B3GALT1: variants seen among roughly 807,000 people sequenced by gnomAD.
B3GALT1 encodes UDP-Gal:betaGlcNAc beta 1,3-galactosyltransferase, polypeptide 1.
B3GALT1 carries 10 observed loss-of-function variants against 23.2 expected under a neutral mutation model. The ratio of observed to expected loss-of-function variants is 0.43; its 90% CI spans 0.27 to 0.73. The LOEUF is 0.73. Among genes scored for constraint, B3GALT1 ranks in the 30% least tolerant of loss-of-function variants. The probability of loss-of-function intolerance (pLI) is 0.21; values close to 1 mark genes in which losing one functional copy is unlikely to be tolerated. For missense variants in B3GALT1, 299 were observed against 405.4 expected, an observed-to-expected ratio of 0.74 and a Z score of 2.25; for synonymous variants, 156 against 141.5, an observed-to-expected ratio of 1.10 and a Z score of -0.73.
At position 167,452,107 on chromosome 2, in the gene B3GALT1, CA is replaced by C. The variant is rs1418493398; in HGVS notation, c.-510-38069del. On this transcript the variant is annotated intron_variant, in intron 1 of 4. Transcript: ENST00000392690. ...AACTTGCCCCGGGCTACCGGTTTCC[CA>C]GCTGAGAAAGCAAGCTGGGCTTTCA... Among the ~76,000 whole-genome samples the C allele has an allele frequency of 2.0e-5, 3 of 152,256 alleles. No individual in the cohort carries two copies. The East Asian group carries it at 5.8e-4, about 29-fold the overall frequency.
intron 1 of B3GALT1, among the ~76,000 whole-genome samples, chr2:167,392,961 G>A (rs981155417): frequency 1.1e-4 from 16 of 152,114 alleles, no homozygotes; most frequent in African/African-American, 3.9e-4. Context: ...TTAGCCGGGC[G>A]CAGTGGCTCA....
At chr2:167,860,002 G>A (rs1400920606) in intron 4 of B3GALT1, among the ~76,000 whole-genome samples, 1 of 152,146 alleles carries the variant, frequency 6.6e-6, no homozygotes, top group Non-Finnish European at 1.5e-5. Flanking sequence ...CCATTATCTA[G>A]TGCTAATAGT....
chr2:167,868,889 C>A lies in B3GALT1; in HGVS notation c.-151C>A. 1.2e-6 allele frequency: 1 copy of A among 852,510 alleles called. No individual in the cohort carries two copies. Among genetic ancestry groups the A allele is most frequent in the Non-Finnish European group, 1.8e-6 (1 of 558,268 alleles). The allele number at this position is 852,510 out of a possible 1,614,324, so 52.8% of individuals were successfully genotyped here. ...GTAGAATGAGCGCAGAGGTGACAGA[C>A]AGCCACTGAGGCCCATGGACAATCT... On this transcript the variant is annotated 5_prime_UTR_variant, in exon 5 of 5. Coordinates refer to ENST00000392690, the MANE Select transcript of B3GALT1 (RefSeq NM_020981.4).
In B3GALT1 at chr2:167,491,133, A is replaced by G. The variant is rs111636776; in HGVS notation, c.-410+856A>G. ...GTGTGTACTTTTAGGCCTCACTTCA[A>G]TATTTGGACTAGGCCGGGTAACTCC... On this transcript the variant is annotated intron_variant, in intron 2 of 4. Transcript: ENST00000392690. 6.6e-5 allele frequency among the ~76,000 whole-genome samples: 10 copies of G among 152,206 alleles called. 1 individual carries two copies. The highest frequency in any genetic ancestry group is 2.2e-4 in the African/African-American group (9 of 41,534).
At chr2:167,745,274 C>T (rs911446663) in intron 3 of B3GALT1, among the ~76,000 whole-genome samples, 2 of 152,028 alleles carry the variant, frequency 1.3e-5, no homozygotes, top group East Asian at 3.9e-4. Flanking sequence ...TTGTTGCTCA[C>T]CCCCTCTCCT....
intron 4 of B3GALT1, among the ~76,000 whole-genome samples, chr2:167,849,905 AAAG>A (rs1490434812): frequency 6.6e-6 from 1 of 151,968 alleles, no homozygotes; most frequent in South Asian, 2.1e-4. Flanking sequence ...AAAAAAAAAA[AAAG>A]GACTTAAACC....
intron 2 of B3GALT1, among the ~76,000 whole-genome samples, chr2:167,633,498 A>C (rs953622666): frequency 6.6e-6 from 1 of 151,924 alleles, no homozygotes; most frequent in African/African-American, 2.4e-5. Flanking sequence ...AAGAAAAAAA[A>C]AATAGCAACA....
chr2:167,722,775 C>T (rs1410446829), intron 3 of B3GALT1, among the ~76,000 whole-genome samples: 1 of 152,122 alleles, frequency 6.6e-6, no homozygotes, highest in African/African-American at 2.4e-5. Flanking sequence ...GTAGTAAAAG[C>T]TCAAATTCCT....
At position 167,386,750 on chromosome 2, in the gene B3GALT1, T is replaced by A. The variant is rs1465904969; in HGVS notation, c.-511+93416T>A. Among the ~76,000 whole-genome samples, 2 of 152,218 alleles carry A rather than the reference T, an allele frequency of 1.3e-5. 1 individual carries two copies. Among genetic ancestry groups the A allele is most frequent in the South Asian group, 4.1e-4 (2 of 4,828 alleles). ...GGGTCACACAAAATAGGAACTTACA[T>A]CTTATTGTAAAGTATCCTTCCGCTT... On this transcript the variant is annotated intron_variant, in intron 1 of 4. Coordinates refer to ENST00000392690, the MANE Select transcript of B3GALT1 (RefSeq NM_020981.4).
intron 1 of B3GALT1, among the ~76,000 whole-genome samples, chr2:167,349,292 A>G (rs376753220): frequency 5.9e-5 from 9 of 152,252 alleles, no homozygotes; most frequent in South Asian, 2.1e-4. Flanking sequence ...TGTCCAGCCT[A>G]TCCACACTGT....
At chr2:167,519,073 A>AT (rs138620931) in intron 2 of B3GALT1, among the ~76,000 whole-genome samples, 16,197 of 150,808 alleles carry the variant, frequency 0.11, 1,265 homozygotes, top group East Asian at 0.47. Flanking sequence ...AACAAATACA[A>AT]TTTCTTTTTT....
intron 2 of B3GALT1, among the ~76,000 whole-genome samples, chr2:167,522,856 T>A (rs1006685267): frequency 2.0e-5 from 3 of 152,196 alleles, no homozygotes. Context: ...CACTGGAGTC[T>A]TTCACCTGTG....
chr2:167,304,513 G>A (rs1482090966), intron 1 of B3GALT1, among the ~76,000 whole-genome samples: 1 of 152,072 alleles, frequency 6.6e-6, no homozygotes, highest in Non-Finnish European at 1.5e-5. Flanking sequence ...AACCAATTCA[G>A]AAAACTTATC....
chr2:167,437,749 C>A lies in B3GALT1; in HGVS notation c.-510-52428C>A, dbSNP rs779879037. 1.7e-4 allele frequency among the ~76,000 whole-genome samples: 26 copies of A among 152,178 alleles called. 1 individual carries two copies. The highest frequency in any genetic ancestry group is 3.1e-4 in the Non-Finnish European group (21 of 68,026). ...TCTAGTGTCACATATTCGTTAGCCA[C>A]AGAAAATCCCCAAATGCTCAGCCAT... On this transcript the variant is annotated intron_variant, in intron 1 of 4. Transcript: ENST00000392690.
At chr2:167,300,931 G>A (rs1010464193) in intron 1 of B3GALT1, among the ~76,000 whole-genome samples, 1 of 152,152 alleles carries the variant, frequency 6.6e-6, no homozygotes, top group African/African-American at 2.4e-5. Context: ...TTCAACATCA[G>A]TGTCTTCTTC....
In B3GALT1 at chr2:167,632,639, A is replaced by T. The variant is rs190023771; in HGVS notation, c.-409-14270A>T. 8.2e-4 allele frequency among the ~76,000 whole-genome samples: 124 copies of T among 151,458 alleles called. 1 individual carries two copies. The highest frequency in any genetic ancestry group is 2.9e-3 in the African/African-American group (120 of 41,348). On this transcript the variant is annotated intron_variant, in intron 2 of 4. Transcript: ENST00000392690. Reference sequence around the variant, plus strand: ...ATATCCTTTGCCCACTTTTTAAAGGATTCGTTTGTTTTTTTCTTGTGAATT... The same window carrying T: ...ATATCCTTTGCCCACTTTTTAAAGGTTTCGTTTGTTTTTTTCTTGTGAATT...
chr2:167,377,338 T>C (rs1697781596), intron 1 of B3GALT1, among the ~76,000 whole-genome samples: 2 of 152,136 alleles, frequency 1.3e-5, no homozygotes, highest in South Asian at 4.1e-4. Context: ...TCTGTAGATG[T>C]CTGTTAAGTC....
At chr2:167,316,720 C>T (rs574988350) in intron 1 of B3GALT1, among the ~76,000 whole-genome samples, 1 of 152,156 alleles carries the variant, frequency 6.6e-6, no homozygotes, top group South Asian at 2.1e-4. Context: ...AGGCAGTTGC[C>T]CAAAGTAACA....
At chr2:167,337,058 G>A (rs1428984284) in intron 1 of B3GALT1, among the ~76,000 whole-genome samples, 1 of 152,160 alleles carries the variant, frequency 6.6e-6, no homozygotes, top group Non-Finnish European at 1.5e-5. Flanking sequence ...GGGTCAGGGT[G>A]TGGACAAGCC....
Sources: allele counts gnomAD v4.1 joint callset (sites outside exome capture counted in the v4.1 genomes callset), GRCh38; gene constraint gnomAD v4.1.1; transcripts MANE v1.5; gene names NCBI Gene and HGNC (gene_info 2026-07-23, HGNC 2026-07-21).